The following NCAM2 variants were observed in gnomAD, a reference collection of about 807,000 sequenced individuals.
NCAM2 encodes the protein neural cell adhesion molecule 2, also known as N-CAM-2.
NCAM2 carries 30 observed loss-of-function variants against 98.1 expected under a neutral mutation model. That is an observed-to-expected ratio of 0.31 (90% CI 0.23 to 0.41). NCAM2 has a LOEUF of 0.41. Among genes scored for constraint, NCAM2 ranks in the 10% least tolerant of loss-of-function variants. The pLI is 1.00. For missense variants in NCAM2, 867 were observed against 1,005.8 expected (o/e 0.86, Z 1.87); for synonymous variants, 368 against 342.4 (o/e 1.07, Z -0.83).
At chr21:21,480,299 G>A (rs376079475) in intron 15 of NCAM2, among the ~76,000 whole-genome samples, 1 of 150,032 alleles carries the variant, frequency 6.7e-6, no homozygotes, top group East Asian at 2.0e-4. Flanking sequence ...CCTGGAAGGC[G>A]GAGCTTGCAG....
intron 1 of NCAM2, among the ~76,000 whole-genome samples, chr21:21,048,042 A>G (rs2065034192): frequency 6.6e-6 from 1 of 152,210 alleles, no homozygotes; most frequent in Non-Finnish European, 1.5e-5. Context: ...CATTCTATAA[A>G]GAATCCCCTT....
intron 9 of NCAM2, among the ~76,000 whole-genome samples, chr21:21,405,912 A>G (rs2145893070): frequency 6.6e-6 from 1 of 152,302 alleles, no homozygotes; most frequent in South Asian, 2.1e-4. Flanking sequence ...ATAATTTTAA[A>G]TTAACTGTAG....
At chr21:21,494,296 G>A (rs192386467) in intron 15 of NCAM2, among the ~76,000 whole-genome samples, 164 of 151,922 alleles carry the variant, frequency 1.1e-3, no homozygotes, top group Non-Finnish European at 1.9e-3. Context: ...TTGTAATATA[G>A]TCTAGGAAAA....
chr21:21,246,775 G>A (rs1307376375), intron 1 of NCAM2, among the ~76,000 whole-genome samples: 1 of 152,076 alleles, frequency 6.6e-6, no homozygotes, highest in Non-Finnish European at 1.5e-5. Flanking sequence ...ATTTAAACAT[G>A]CATTTTTGAA....
intron 8 of NCAM2, among the ~76,000 whole-genome samples, chr21:21,369,958 A>G (rs973933443): frequency 3.9e-4 from 59 of 151,650 alleles, no homozygotes; most frequent in African/African-American, 1.4e-3. Context: ...GGTACAACTC[A>G]TGCAACTGCA....
At chr21:21,149,822 G>A (rs2067394746) in intron 1 of NCAM2, among the ~76,000 whole-genome samples, 1 of 152,074 alleles carries the variant, frequency 6.6e-6, no homozygotes, top group Non-Finnish European at 1.5e-5. Flanking sequence ...CATTGATGGG[G>A]CATTTGAGTT....
At chr21:21,054,049 C>T (rs1246992906) in intron 1 of NCAM2, among the ~76,000 whole-genome samples, 1 of 151,496 alleles carries the variant, frequency 6.6e-6, no homozygotes, top group Non-Finnish European at 1.5e-5. Context: ...TACTCCATAC[C>T]AACATCCAAA....
chr21:21,331,984 C>T (rs2074722771), intron 6 of NCAM2, among the ~76,000 whole-genome samples: 1 of 151,804 alleles, frequency 6.6e-6, no homozygotes, highest in South Asian at 2.1e-4. Context: ...CTCACTGCAA[C>T]CTCCACCTCC....
chr21:21,327,135 C>T (rs534053075), intron 6 of NCAM2, among the ~76,000 whole-genome samples: 7 of 152,140 alleles, frequency 4.6e-5, no homozygotes, highest in South Asian at 2.1e-4. Flanking sequence ...GGATTACAGG[C>T]GCAAGCAACC....
chr21:21,190,201 C>T (rs1467740173), intron 1 of NCAM2, among the ~76,000 whole-genome samples: 2 of 152,122 alleles, frequency 1.3e-5, no homozygotes, highest in East Asian at 3.9e-4. Flanking sequence ...GGATCCCTGG[C>T]TGTTAAAAAG....
chr21:21,391,011 G>A (rs1039200835), intron 9 of NCAM2, among the ~76,000 whole-genome samples: 1 of 152,018 alleles, frequency 6.6e-6, no homozygotes, highest in Non-Finnish European at 1.5e-5. Context: ...AGAAGAAAAT[G>A]GTATTTCTGT....
chr21:21,445,212 T>C (rs1602361918), intron 12 of NCAM2, among the ~76,000 whole-genome samples: 1 of 152,296 alleles, frequency 6.6e-6, no homozygotes, highest in East Asian at 1.9e-4. Flanking sequence ...TCGCTATGAT[T>C]TCAGTTATTT....
intron 1 of NCAM2, among the ~76,000 whole-genome samples, chr21:21,192,684 A>G (rs1343654098): frequency 1.3e-5 from 2 of 152,208 alleles, no homozygotes; most frequent in Non-Finnish European, 2.9e-5. Context: ...AAAATCCACA[A>G]AGGGCTGAGG....
chr21:21,167,580 A>C (rs1438021419), intron 1 of NCAM2, among the ~76,000 whole-genome samples: 1 of 152,168 alleles, frequency 6.6e-6, no homozygotes, highest in African/African-American at 2.4e-5. Context: ...CGTTCCATTC[A>C]GGGTTCCTCA....
At chr21:21,491,730 C>G (rs1986862015) in intron 15 of NCAM2, among the ~76,000 whole-genome samples, 1 of 151,262 alleles carries the variant, frequency 6.6e-6, no homozygotes. Flanking sequence ...TTCTCTTATT[C>G]CATGACAGTC....
At chr21:21,215,973 C>T (rs1475666959) in intron 1 of NCAM2, among the ~76,000 whole-genome samples, 1 of 152,018 alleles carries the variant, frequency 6.6e-6, no homozygotes, top group Admixed American at 6.6e-5. Context: ...ATAAAATATT[C>T]TTTTATAACT....
At chr21:21,189,529 G>T (rs999595579) in intron 1 of NCAM2, among the ~76,000 whole-genome samples, 1 of 152,100 alleles carries the variant, frequency 6.6e-6, no homozygotes, top group Non-Finnish European at 1.5e-5. Flanking sequence ...AGTCTGAGAT[G>T]AGCCAGGGTA....
chr21:21,178,965 TG>T (rs2068384888), intron 1 of NCAM2, among the ~76,000 whole-genome samples: 1 of 152,052 alleles, frequency 6.6e-6, no homozygotes, highest in Non-Finnish European at 1.5e-5. Flanking sequence ...CATGAATTAC[TG>T]AGGGTAGATT....
intron 1 of NCAM2, among the ~76,000 whole-genome samples, chr21:21,180,267 A>G (rs371141380): frequency 9.9e-5 from 15 of 152,210 alleles, no homozygotes; most frequent in Non-Finnish European, 1.9e-4. Flanking sequence ...TGGATACATA[A>G]TAGTTGTGCC....
Sources: gnomAD v4.1 joint callset for allele counts (sites outside exome capture counted in the v4.1 genomes callset) on GRCh38, gnomAD v4.1.1 for gene constraint, MANE v1.5 for transcripts, NCBI Gene and HGNC (gene_info 2026-07-23, HGNC 2026-07-21) for gene names.